The following PPP1R12A variants were observed in gnomAD, a reference collection of about 807,000 sequenced individuals.
The protein encoded by PPP1R12A is myosin binding subunit.
PPP1R12A carries 19 observed loss-of-function variants against 139.6 expected under a neutral mutation model. The observed-to-expected ratio is 0.14, with a 90% CI of 0.09 to 0.20. The LOEUF (loss-of-function observed/expected upper bound fraction) is 0.20. Ranked by LOEUF, PPP1R12A falls within the 10% of genes least tolerant of loss-of-function variation. The probability of loss-of-function intolerance (pLI) is 1.00; values close to 1 mark genes in which losing one functional copy is unlikely to be tolerated. For missense variants in PPP1R12A, 925 were observed against 1,211.5 expected, an observed-to-expected ratio of 0.76 and a Z score of 3.51; for synonymous variants, 427 against 420.6, an observed-to-expected ratio of 1.02 and a Z score of -0.19.
At chr12:79,907,677 T>A (rs1201091720) in intron 1 of PPP1R12A, among the ~76,000 whole-genome samples, 1 of 152,178 alleles carries the variant, frequency 6.6e-6, no homozygotes, top group Non-Finnish European at 1.5e-5. Flanking sequence ...GGCAGGAGGA[T>A]CACTTGAGGC....
intron 1 of PPP1R12A, among the ~76,000 whole-genome samples, chr12:79,910,470 CAAATAAATAAATAAATAAATAAAT>C (rs10583469): frequency 1.3e-5 from 2 of 148,982 alleles, no homozygotes; most frequent in East Asian, 4.0e-4. Flanking sequence ...ACGACTCCGT[CAAATAAATAAATAAATAAATAAAT>C]AAATAGAACC....
rs977325093 is a variant in PPP1R12A, at chr12:79,856,175, A to T, written c.369-10755T>A. On this transcript the variant is annotated intron_variant, in intron 2 of 24. Coordinates refer to ENST00000450142, the MANE Select transcript of PPP1R12A (RefSeq NM_002480.3). ...CAGTCTGAAAGGTCATCACTTCCCT[A>T]AAACTGCATCACCATCAAAGGACAA... Among the ~76,000 whole-genome samples the T allele has an allele frequency of 6.6e-5, 10 of 152,290 alleles. No homozygotes were observed. The East Asian group carries it at 1.9e-3, about 29-fold the overall frequency.
chr12:79,781,039 T>C (rs1245909917), intron 23 of PPP1R12A, among the ~76,000 whole-genome samples: 1 of 152,210 alleles, frequency 6.6e-6, no homozygotes, highest in African/African-American at 2.4e-5. Flanking sequence ...TACCAGCATG[T>C]CATTTCTTCT....
chr12:79,913,623 C>T (rs1453952335), intron 1 of PPP1R12A, among the ~76,000 whole-genome samples: 2 of 152,192 alleles, frequency 1.3e-5, no homozygotes, highest in African/African-American at 4.8e-5. Context: ...AGTCCTCTCA[C>T]TTTCTTGTTC....
chr12:79,881,466 T>C (rs1023982398), intron 1 of PPP1R12A, among the ~76,000 whole-genome samples: 1 of 151,836 alleles, frequency 6.6e-6, no homozygotes, highest in African/African-American at 2.4e-5. Context: ...TAATAGAGAG[T>C]AAGGCCCCAG....
intron 2 of PPP1R12A, among the ~76,000 whole-genome samples, chr12:79,855,234 C>T (rs1350885408): frequency 6.6e-5 from 10 of 152,044 alleles, no homozygotes; most frequent in Admixed American, 3.9e-4. Context: ...GTGATCCGCC[C>T]GCCTCAGCCT....
At chr12:79,797,758 G>C (rs1872654931) in intron 15 of PPP1R12A, among the ~76,000 whole-genome samples, 1 of 152,142 alleles carries the variant, frequency 6.6e-6, no homozygotes, top group Middle Eastern at 3.4e-3. Context: ...GATTGTTAAG[G>C]CTTAAAAGAG....
chr12:79,833,884 T>G (rs1329112821), intron 3 of PPP1R12A, among the ~76,000 whole-genome samples: 1 of 145,226 alleles, frequency 6.9e-6, no homozygotes, highest in Non-Finnish European at 1.5e-5. Flanking sequence ...GGGAGATCAG[T>G]AAATGTTCAC....
intron 2 of PPP1R12A, among the ~76,000 whole-genome samples, chr12:79,868,196 C>G (rs1327732063): frequency 6.6e-6 from 1 of 152,156 alleles, no homozygotes; most frequent in African/African-American, 2.4e-5. Context: ...CACAGTAATT[C>G]AATTATAATT....
intron 23 of PPP1R12A, chr12:79,780,569 G>T (rs564451828): frequency 2.0e-5 from 3 of 152,106 alleles, no homozygotes; most frequent in South Asian, 4.1e-4. Flanking sequence ...ACTTTCATAA[G>T]AAAAATTAAA....
intron 9 of PPP1R12A, among the ~76,000 whole-genome samples, chr12:79,813,158 C>T (rs1328715862): frequency 6.6e-6 from 1 of 152,144 alleles, no homozygotes; most frequent in Non-Finnish European, 1.5e-5. Flanking sequence ...CAATATAGCT[C>T]TACTTTTCCT....
At chr12:79,865,758 T>C (rs939269178) in intron 2 of PPP1R12A, among the ~76,000 whole-genome samples, 9 of 152,084 alleles carry the variant, frequency 5.9e-5, no homozygotes, top group Non-Finnish European at 1.3e-4. Flanking sequence ...ATACAACTTA[T>C]AAGCGATGTG....
chr12:79,852,487 C>T (rs1025997615), intron 2 of PPP1R12A, among the ~76,000 whole-genome samples: 1 of 152,116 alleles, frequency 6.6e-6, no homozygotes, highest in African/African-American at 2.4e-5. Context: ...TGAGTCACCA[C>T]ACTCAGCCAG....
upstream of PPP1R12A, chr12:79,935,327 C>G: frequency 9.7e-7 from 1 of 1,030,990 alleles, no homozygotes; most frequent in Non-Finnish European, 1.2e-6. Context: ...GCGGGTGTGG[C>G]CCAGGCAGCG....
chr12:79,795,050 T>C (rs1390817344), intron 18 of PPP1R12A, among the ~76,000 whole-genome samples: 1 of 152,108 alleles, frequency 6.6e-6, no homozygotes, highest in Non-Finnish European at 1.5e-5. Flanking sequence ...TATGCTCCTA[T>C]TGTGCTAATC....
In PPP1R12A at chr12:79,775,500, G is replaced by A; in HGVS notation, c.*429C>T. The A allele has an allele frequency of 6.5e-6, 1 of 152,732 alleles. No homozygotes were observed. The highest frequency in any genetic ancestry group is 1.9e-4 in the East Asian group (1 of 5,172). The allele number at this position is 152,732 out of a possible 1,614,324, so 9.5% of individuals were successfully genotyped here. ...AAATATCGAAAAACTCGAAACTGTG[G>A]CACATCAAAAAATGTTGAGTAACTG... On this transcript the variant is annotated 3_prime_UTR_variant, in exon 25 of 25. Coordinates refer to ENST00000450142, the MANE Select transcript of PPP1R12A (RefSeq NM_002480.3).
At chr12:79,887,376 C>T (rs1419226161) in intron 1 of PPP1R12A, among the ~76,000 whole-genome samples, 17 of 151,984 alleles carry the variant, frequency 1.1e-4, no homozygotes, top group Admixed American at 1.3e-4. Context: ...CCTGACAGTG[C>T]TATTTCAATA....
intron 2 of PPP1R12A, among the ~76,000 whole-genome samples, chr12:79,849,669 G>A (rs1318201977): frequency 6.6e-6 from 1 of 152,174 alleles, no homozygotes; most frequent in Non-Finnish European, 1.5e-5. Context: ...CTGAAAGTTA[G>A]ATGACTGGGC....
chr12:79,836,729 C>T (rs1878131417), intron 3 of PPP1R12A, among the ~76,000 whole-genome samples: 1 of 152,104 alleles, frequency 6.6e-6, no homozygotes, highest in Admixed American at 6.5e-5. Flanking sequence ...TCTAATTGTA[C>T]TATGTATTAG....
Sources: allele counts gnomAD v4.1 joint callset (sites outside exome capture counted in the v4.1 genomes callset), GRCh38; gene constraint gnomAD v4.1.1; transcripts MANE v1.5; gene names NCBI Gene and HGNC (gene_info 2026-07-23, HGNC 2026-07-21).